Variants in ETV1 observed in about 807,000 individuals in gnomAD.
ETV1 encodes the protein ETS variant transcription factor 1.
In ETV1, 27 loss-of-function variants were observed where a neutral mutation model predicts 62.3. The observed-to-expected ratio is 0.43, with a 90% CI of 0.32 to 0.60. The LOEUF is 0.60. Ranked by LOEUF, ETV1 falls within the 20% of genes least tolerant of loss-of-function variation. The pLI is 0.06. For synonymous variants in ETV1, 222 were observed against 199.6 expected (o/e 1.11, Z -0.94); for missense variants, 605 against 605.8 (o/e 1.00, Z 0.01).
In ETV1 at chr7:13,892,435, A is replaced by G; in HGVS notation, c.*3431T>C. 1 of 232,710 alleles carries G rather than the reference A, an allele frequency of 4.3e-6. No homozygotes were observed. Among genetic ancestry groups the G allele is most frequent in the Admixed American group, 5.6e-5 (1 of 17,770 alleles). The allele number at this position is 232,710 out of a possible 1,614,324, so 14.4% of individuals were successfully genotyped here. On this transcript the variant is annotated 3_prime_UTR_variant, in exon 14 of 14. Transcript: ENST00000430479. The stretch of plus-strand genomic sequence containing the variant: ...ATATCTCAGTGGTAAATAAAAGCAA[A>G]CTCTAGTACTTTCAAATCCTAGATC...
At chr7:13,912,823 G>T (rs1783697249) in intron 9 of ETV1, among the ~76,000 whole-genome samples, 1 of 152,188 alleles carries the variant, frequency 6.6e-6, no homozygotes, top group African/African-American at 2.4e-5. Context: ...GTAAAGTCAT[G>T]TTATCCTTAA....
In ETV1 at chr7:13,893,678, A is replaced by G. The variant is rs997762008; in HGVS notation, c.*2188T>C. ...ATCCTCAATACAGTTTTCATTCAGA[A>G]TATATTTTAAAGACTCACTTAAATT... On this transcript the variant is annotated 3_prime_UTR_variant, in exon 14 of 14. Coordinates refer to ENST00000430479, the MANE Select transcript of ETV1 (RefSeq NM_004956.5). The G allele has an allele frequency of 8.6e-6, 2 of 232,624 alleles. No homozygotes were observed. Among genetic ancestry groups the G allele is most frequent in the African/African-American group, 4.4e-5 (2 of 45,314 alleles). 14.4% of individuals were successfully genotyped at this position (232,624 alleles called of 1,614,324 possible).
At chr7:13,980,768 T>C (rs1233628731) in intron 5 of ETV1, among the ~76,000 whole-genome samples, 1 of 152,116 alleles carries the variant, frequency 6.6e-6, no homozygotes, top group African/African-American at 2.4e-5. Context: ...ACCTAGATTA[T>C]TATCCAAAGT....
intron 6 of ETV1, among the ~76,000 whole-genome samples, chr7:13,964,186 A>G (rs1276155087): frequency 6.6e-6 from 1 of 152,096 alleles, no homozygotes; most frequent in African/African-American, 2.4e-5. Context: ...GAGAAAAACA[A>G]CCCCAAACAG....
chr7:13,916,909 G>A (rs561743383), intron 9 of ETV1, among the ~76,000 whole-genome samples: 1 of 150,602 alleles, frequency 6.6e-6, no homozygotes, highest in South Asian at 2.1e-4. Context: ...TCCAACCTAG[G>A]CAACAGAGCC....
In ETV1 at chr7:13,894,352, T is replaced by C. The variant is rs993054084; in HGVS notation, c.*1514A>G. Reference sequence around the variant, plus strand: ...CCCTGCTTTCAATATTTTCTCCAAATGCAAAGCAAAAACAGAACAAAAAAC... The same window carrying C: ...CCCTGCTTTCAATATTTTCTCCAAACGCAAAGCAAAAACAGAACAAAAAAC... On this transcript the variant is annotated 3_prime_UTR_variant, in exon 14 of 14. Coordinates refer to ENST00000430479, the MANE Select transcript of ETV1 (RefSeq NM_004956.5). The C allele has an allele frequency of 2.1e-5, 5 of 232,744 alleles. No homozygotes were observed. Among genetic ancestry groups the C allele is most frequent in the African/African-American group, 1.1e-4 (5 of 45,302 alleles). 14.4% of individuals were successfully genotyped at this position (232,744 alleles called of 1,614,324 possible). A position where few individuals can be genotyped will look rare whatever the true frequency, so the allele number is the denominator to read the frequency against.
intron 6 of ETV1, among the ~76,000 whole-genome samples, chr7:13,961,567 G>A (rs1790165682): frequency 6.6e-6 from 1 of 152,032 alleles, no homozygotes; most frequent in East Asian, 1.9e-4. Context: ...CATTGTAAAG[G>A]TTGCATCTTA....
rs367559230 is a variant in ETV1, at chr7:13,916,388, A to C, written c.803-5081T>G. 3.3e-5 allele frequency among the ~76,000 whole-genome samples: 5 copies of C among 152,330 alleles called. No homozygotes were observed. In the South Asian group the frequency reaches 6.2e-4, roughly 19 times the overall value. ...CGTGGTGGCTCACGTCTGTAATCCT[A>C]GCACTTTGGGAGGCCAAGGTGGGCG... On this transcript the variant is annotated intron_variant, in intron 9 of 13. Transcript: ENST00000430479.
chr7:13,903,864 C>T (rs1295410202), intron 12 of ETV1, among the ~76,000 whole-genome samples: 1 of 151,466 alleles, frequency 6.6e-6, no homozygotes, highest in East Asian at 1.9e-4. Flanking sequence ...AAGAAAAAGA[C>T]ATGTTAAAGA....
intron 6 of ETV1, among the ~76,000 whole-genome samples, chr7:13,950,456 G>T (rs1368845257): frequency 1.3e-5 from 2 of 152,190 alleles, no homozygotes; most frequent in East Asian, 3.9e-4. Flanking sequence ...TCTTGCCAGG[G>T]TGTACCTAAA....
chr7:13,983,016 A>C (rs1782156278), intron 5 of ETV1, among the ~76,000 whole-genome samples: 1 of 152,034 alleles, frequency 6.6e-6, no homozygotes, highest in South Asian at 2.1e-4. Context: ...TGTTGTTTGA[A>C]GGTCACATAA....
At chr7:13,954,756 AC>A in intron 6 of ETV1, among the ~76,000 whole-genome samples, 1 of 152,226 alleles carries the variant, frequency 6.6e-6, no homozygotes, top group Middle Eastern at 3.4e-3. Context: ...TTCTGATGTC[AC>A]CCTACTGAAG....
chr7:13,936,093 T>C (rs866806096), intron 7 of ETV1, among the ~76,000 whole-genome samples, 197 bp from the exon 8 acceptor site: 1 of 152,222 alleles, frequency 6.6e-6, no homozygotes, highest in Non-Finnish European at 1.5e-5. Flanking sequence ...AATAGGATGA[T>C]TAATGCAAAA....
chr7:13,915,723 A>G (rs1287469264), intron 9 of ETV1, among the ~76,000 whole-genome samples: 1 of 152,154 alleles, frequency 6.6e-6, no homozygotes, highest in Non-Finnish European at 1.5e-5. Context: ...AACTTATTTC[A>G]TAAAGTTTCC....
intron 6 of ETV1, among the ~76,000 whole-genome samples, chr7:13,970,589 T>A (rs1274717109): frequency 6.6e-6 from 1 of 152,184 alleles, no homozygotes; most frequent in African/African-American, 2.4e-5. Context: ...TGCTCTCATT[T>A]TGGTAAAAGC....
chr7:13,989,016 C>A lies in ETV1; in HGVS notation c.37G>T (p.Val13Phe), dbSNP rs1376879279. The A allele has an allele frequency of 6.2e-7, 1 of 1,605,376 alleles. No homozygotes were observed. Among genetic ancestry groups the A allele is most frequent in the East Asian group, 2.2e-5 (1 of 44,682 alleles). The part of the protein sequence containing the change: ...GFYDQQVPYM[V>F]TNSQRGRNCN... ...TCAAACTGATCACTCACATTGGTGA[C>A]CATGTAAGGCACTTGCTGGTCATAA... The change falls in exon 3 of 14, where the codon GTC becomes TTC. Residue 13 changes from valine (V) to phenylalanine (F), a missense_variant. Physicochemically the swap from Val to Phe is conservative, Grantham distance 50. Around this residue, in one of 3 missense-constraint regions of ETV1, gnomAD observed 426 missense variants for 377.8 expected, o/e 1.13. Transcript: ENST00000430479.
chr7:13,955,486 C>G (rs1042672882), intron 6 of ETV1, among the ~76,000 whole-genome samples: 11 of 152,042 alleles, frequency 7.2e-5, no homozygotes, highest in Non-Finnish European at 1.6e-4. Flanking sequence ...ATAATGAACT[C>G]TAAGAGTCTC....
At chr7:13,927,973 T>TAC (rs1487686874) in intron 9 of ETV1, among the ~76,000 whole-genome samples, 1 of 152,132 alleles carries the variant, frequency 6.6e-6, no homozygotes, top group Non-Finnish European at 1.5e-5. Context: ...GCTTTTTAGG[T>TAC]AAGAATTTTA....
At chr7:13,919,900 G>C (rs561583484) in intron 9 of ETV1, among the ~76,000 whole-genome samples, 4 of 152,212 alleles carry the variant, frequency 2.6e-5, no homozygotes, top group African/African-American at 7.2e-5. Context: ...CAGAGAGAGA[G>C]AGAGAGAGAG....
Sources: allele counts gnomAD v4.1 joint callset (sites outside exome capture counted in the v4.1 genomes callset), GRCh38; gene constraint gnomAD v4.1.1; regional missense constraint gnomAD v4.1.1; transcripts MANE v1.5; gene names NCBI Gene and HGNC (gene_info 2026-07-23, HGNC 2026-07-21).